The following SPPL2A variants were observed in gnomAD, a reference collection of about 807,000 sequenced individuals.
SPPL2A encodes signal peptide peptidase like 2A.
In SPPL2A, 51 loss-of-function variants were observed where a neutral mutation model predicts 63.8. The observed-to-expected ratio is 0.80, with a 90% CI of 0.64 to 1.01. The LOEUF (loss-of-function observed/expected upper bound fraction) is 1.01, where lower values mean the gene tolerates loss of function less well. Among genes scored for constraint, SPPL2A ranks in the 50% least tolerant of loss-of-function variants. The pLI is 0.00. For missense variants in SPPL2A, 553 were observed against 622.7 expected (o/e 0.89, Z 1.19); for synonymous variants, 188 against 205.8 (o/e 0.91, Z 0.74).
intron 14 of SPPL2A, among the ~76,000 whole-genome samples, chr15:50,718,946 C>A (rs2062621618): frequency 6.6e-6 from 1 of 152,056 alleles, no homozygotes; most frequent in Admixed American, 6.6e-5. Flanking sequence ...GAAAGCAGAG[C>A]TAACTGCCTC....
At chr15:50,724,428 A>G (rs139695092) in intron 12 of SPPL2A, among the ~76,000 whole-genome samples, 4,332 of 152,230 alleles carry the variant, frequency 0.028, 78 homozygotes, top group Middle Eastern at 0.1. Context: ...TACAAAAAAA[A>G]TTAGCCAGGT....
rs1186433753 is a variant in SPPL2A, at chr15:50,703,898, GA to G, written c.*3901del. The G allele has an allele frequency of 2.6e-5, 4 of 151,942 alleles. No homozygotes were observed. The highest frequency in any genetic ancestry group is 5.9e-5 in the Non-Finnish European group (4 of 68,018). The allele number at this position is 151,942 out of a possible 1,614,324, so 9.4% of individuals were successfully genotyped here. A position where few individuals can be genotyped will look rare whatever the true frequency, so the allele number is the denominator to read the frequency against. Reference sequence around the variant, plus strand: ...TAAATTGAAAGAGCAAAGAAAACTGGAAAGCTCATTTGTATTTATTATAAAT... The same window carrying G: ...TAAATTGAAAGAGCAAAGAAAACTGGAAGCTCATTTGTATTTATTATAAAT... On this transcript the variant is annotated 3_prime_UTR_variant, in exon 15 of 15. Transcript: ENST00000261854.
At chr15:50,713,488 C>A (rs2062576336) in intron 14 of SPPL2A, among the ~76,000 whole-genome samples, 1 of 151,944 alleles carries the variant, frequency 6.6e-6, no homozygotes, top group South Asian at 2.1e-4. Context: ...TAGTCTCGAA[C>A]TCCTGACCTC....
chr15:50,727,043 T>C (rs1006129841), intron 10 of SPPL2A, among the ~76,000 whole-genome samples: 2 of 152,136 alleles, frequency 1.3e-5, no homozygotes, highest in Non-Finnish European at 1.5e-5. Flanking sequence ...TCTTTTTATG[T>C]GGGTTGTGTG....
At chr15:50,742,423 A>G (rs2062829805) in intron 5 of SPPL2A, among the ~76,000 whole-genome samples, 1 of 152,154 alleles carries the variant, frequency 6.6e-6, no homozygotes, top group African/African-American at 2.4e-5. Flanking sequence ...ACTGTGCTGA[A>G]AAGTCTTTCT....
chr15:50,718,289 T>C (rs1229537552), intron 14 of SPPL2A, among the ~76,000 whole-genome samples: 1 of 152,156 alleles, frequency 6.6e-6, no homozygotes, highest in Non-Finnish European at 1.5e-5. Context: ...ACTGTAACTT[T>C]CAAGAGGTCA....
chr15:50,721,607 ATT>A (rs34462255), intron 13 of SPPL2A, among the ~76,000 whole-genome samples: 33 of 143,122 alleles, frequency 2.3e-4, no homozygotes, highest in Non-Finnish European at 2.6e-4. Context: ...TACAAAAATA[ATT>A]TTTTTTTTTT....
At chr15:50,731,877 G>A (rs1212059613) in intron 9 of SPPL2A, among the ~76,000 whole-genome samples, 5 of 128,214 alleles carry the variant, frequency 3.9e-5, no homozygotes, top group Non-Finnish European at 7.8e-5. Context: ...GCAGTGAGCC[G>A]AGATCACACC....
At position 50,707,864 on chromosome 15, in the gene SPPL2A, T is replaced by C; in HGVS notation, c.1499A>G (p.His500Arg). Residue 500 changes from histidine (H) to arginine (R), a missense_variant, in exon 15 of 15, where the codon CAT (histidine) becomes CGT (arginine). Coordinates refer to ENST00000261854, the MANE Select transcript of SPPL2A (RefSeq NM_032802.4). ...TTCTTCATTTGTTGCACAATCCAAA[T>C]GGTCCATCATCTAGGCATAAATAAA... The part of the protein sequence containing the change: ...WKGNSYQMMD[H>R]LDCATNEENP... 6.3e-7 allele frequency: 1 copy of C among 1,586,932 alleles called. No homozygotes were observed. The highest frequency in any genetic ancestry group is 8.7e-7 in the Non-Finnish European group (1 of 1,155,234).
At chr15:50,751,953 CCTGAGTAG>C (rs1480924252) in intron 1 of SPPL2A, among the ~76,000 whole-genome samples, 3 of 152,086 alleles carry the variant, frequency 2.0e-5, no homozygotes, top group African/African-American at 7.2e-5. Flanking sequence ...GCTTCAGCCT[CCTGAGTAG>C]CTGGGATTAT....
intron 6 of SPPL2A, among the ~76,000 whole-genome samples, chr15:50,736,983 C>T (rs920043311): frequency 1.1e-4 from 17 of 151,540 alleles, no homozygotes; most frequent in African/African-American, 3.9e-4. Context: ...GTAATCTCGG[C>T]TCTCACTGCA....
intron 14 of SPPL2A, among the ~76,000 whole-genome samples, chr15:50,717,226 G>A (rs969905531): frequency 6.6e-6 from 1 of 152,106 alleles, no homozygotes; most frequent in African/African-American, 2.4e-5. Flanking sequence ...CCCGGGCTGA[G>A]TGCAGTGGTG....
chr15:50,726,205 T>G, intron 11 of SPPL2A, 116 bp downstream of exon 11: 1 of 1,464,070 alleles, frequency 6.8e-7, no homozygotes, highest in Non-Finnish European at 9.4e-7. Flanking sequence ...GAGAAATAAG[T>G]TTTACAATAC....
rs1161564762 is a variant in SPPL2A, at chr15:50,704,989, T to A, written c.*2811A>T. 6.6e-6 allele frequency: 1 copy of A among 152,208 alleles called. No individual in the cohort carries two copies. The highest frequency in any genetic ancestry group is 1.5e-5 in the Non-Finnish European group (1 of 68,044). The allele number at this position is 152,208 out of a possible 1,614,324, so 9.4% of individuals were successfully genotyped here. A position where few individuals can be genotyped will look rare whatever the true frequency, so the allele number is the denominator to read the frequency against. On this transcript the variant is annotated 3_prime_UTR_variant, in exon 15 of 15. Transcript: ENST00000261854. ...TATGCTACTGAGGAGATACATCTAG[T>A]TGATGAAGTTAAAATATTAATTACT... is the stretch of plus-strand genomic sequence containing the variant.
Position 50,748,862 on chromosome 15 carries a change from A to C in SPPL2A, c.186T>G (p.Ile62Met), listed in dbSNP as rs910156919. The C allele has an allele frequency of 5.1e-6, 8 of 1,564,822 alleles. No individual in the cohort carries two copies. In the African/African-American group the frequency reaches 8.4e-5, roughly 16 times the overall value. The change falls in exon 3 of 15, where the codon ATT (isoleucine) becomes ATG (methionine). Residue 62 changes from isoleucine (I) to methionine (M), a missense_variant. Ile to Met is a conservative substitution (Grantham distance 10). Transcript: ENST00000261854. ...LPSTLENATS[I>M]SLMNLTSTPL... is the part of the protein sequence containing the mutation. ...GTGTGGAAGTCAGATTCATCAAACT[A>C]ATGGAAGTCTGAAAATAAGAAATGT...
rs892654860 is a variant in SPPL2A at position 50,705,436 on chromosome 15, T to A, written c.*2364A>T. 2.0e-5 allele frequency: 3 copies of A among 152,102 alleles called. No individual in the cohort carries two copies. Among genetic ancestry groups the A allele is most frequent in the Non-Finnish European group, 4.4e-5 (3 of 68,018 alleles). 9.4% of individuals were successfully genotyped at this position (152,102 alleles called of 1,614,324 possible). On this transcript the variant is annotated 3_prime_UTR_variant, in exon 15 of 15. Transcript: ENST00000261854. ...ATAAAATGTGATTAAGGCTATTAAA[T>A]ATAAAGCTTGGATGAGGGTGCAGAT... is the stretch of plus-strand genomic sequence containing the variant.
At chr15:50,728,040 T>C (rs935436261) in intron 10 of SPPL2A, among the ~76,000 whole-genome samples, 4 of 152,220 alleles carry the variant, frequency 2.6e-5, no homozygotes, top group African/African-American at 9.6e-5. Context: ...TTTAAAATTC[T>C]GAAACATTCT....
chr15:50,716,738 G>A lies in SPPL2A; in HGVS notation c.1488+3202C>T, dbSNP rs538256595. Among the ~76,000 whole-genome samples the A allele has an allele frequency of 3.3e-5, 5 of 152,242 alleles. No individual in the cohort carries two copies. The East Asian group carries it at 9.6e-4, about 29-fold the overall frequency. On this transcript the variant is annotated intron_variant, in intron 14 of 14. Transcript: ENST00000261854. ...CTTTGTCCTGATTTACAGTTAATCA[G>A]ATAAGTACCCCTAATAATAGAAATC...
At chr15:50,760,372 T>C (rs1224293035) in intron 1 of SPPL2A, among the ~76,000 whole-genome samples, 1 of 152,162 alleles carries the variant, frequency 6.6e-6, no homozygotes, top group Non-Finnish European at 1.5e-5. Flanking sequence ...GTGATTCTCC[T>C]GCCTCAGCCT....
Sources: allele counts gnomAD v4.1 joint callset (sites outside exome capture counted in the v4.1 genomes callset), GRCh38; gene constraint gnomAD v4.1.1; transcripts MANE v1.5; gene names NCBI Gene and HGNC (gene_info 2026-07-23, HGNC 2026-07-21).